Variants in KCNIP3 observed in about 807,000 individuals in gnomAD.
KCNIP3 encodes calsenilin.
Under a neutral mutation model 35.0 loss-of-function variants are expected in KCNIP3, and 28 were observed. That is an observed-to-expected ratio of 0.80 (90% CI 0.59 to 1.10). The LOEUF is 1.10. Among genes scored for constraint, KCNIP3 ranks in the 50% least tolerant of loss-of-function variants. KCNIP3 has a pLI of 0.00. For synonymous variants in KCNIP3, 134 were observed against 133.8 expected, an observed-to-expected ratio of 1.00 and a Z score of -0.01; for missense variants, 295 against 338.4, an observed-to-expected ratio of 0.87 and a Z score of 1.01.
At chr2:95,374,454 G>A in intron 3 of KCNIP3, 34 bp downstream of exon 3, 2 of 1,608,648 alleles carry the variant, frequency 1.2e-6, no homozygotes, top group Non-Finnish European at 1.7e-6. Flanking sequence ...GAGAGGCCTT[G>A]GAGACCCTGG....
chr2:95,385,325 G>C lies in KCNIP3; in HGVS notation c.*1276G>C, dbSNP rs1273367318. Reference sequence around the variant, plus strand: ...CCAACATTCAAAAGCACAAACCCTGGGGACTCTGCTTGGCTGTCCCCTCCA... The same window carrying C: ...CCAACATTCAAAAGCACAAACCCTGCGGACTCTGCTTGGCTGTCCCCTCCA... On this transcript the variant is annotated 3_prime_UTR_variant, in exon 9 of 9. Transcript: ENST00000295225. 1 of 152,816 alleles carries C rather than the reference G, an allele frequency of 6.5e-6. No individual in the cohort carries two copies. Among genetic ancestry groups the C allele is most frequent in the Non-Finnish European group, 1.5e-5 (1 of 68,224 alleles). The allele number at this position is 152,816 out of a possible 1,614,324, so 9.5% of individuals were successfully genotyped here.
At chr2:95,314,090 T>G (rs550320562) in intron 2 of KCNIP3, among the ~76,000 whole-genome samples, 1 of 152,160 alleles carries the variant, frequency 6.6e-6, no homozygotes, top group South Asian at 2.1e-4. Context: ...GAGATGCTCA[T>G]TCTCCCCGGG....
In KCNIP3 at chr2:95,378,807, T is replaced by C. The variant is rs111859812; in HGVS notation, c.448-2789T>C. 0.035 allele frequency among the ~76,000 whole-genome samples: 5,273 copies of C among 149,948 alleles called. 252 individuals carry two copies. Among genetic ancestry groups the C allele is most frequent in the African/African-American group, 0.094 (3,837 of 40,752 alleles). ...ACACACACACACACATATATATATA[T>C]ACACACACACACACATATATACACA... On this transcript the variant is annotated intron_variant, in intron 5 of 8. Transcript: ENST00000295225. This position sits in a 1 kb window ranked among gnomAD's most constrained non-coding sequence, Gnocchi z 4.0.
At chr2:95,321,548 C>T (rs998279608) in intron 2 of KCNIP3, among the ~76,000 whole-genome samples, 42 of 152,228 alleles carry the variant, frequency 2.8e-4, no homozygotes, top group African/African-American at 1.0e-3. Context: ...CAGCGTCATT[C>T]TGACGCACTA....
At chr2:95,319,455 G>T (rs1472187030) in intron 2 of KCNIP3, among the ~76,000 whole-genome samples, 1 of 152,242 alleles carries the variant, frequency 6.6e-6, no homozygotes, top group Non-Finnish European at 1.5e-5. Context: ...AGTGGACCCT[G>T]GGCCGCTTCT....
intron 2 of KCNIP3, among the ~76,000 whole-genome samples, chr2:95,323,138 G>GTGAT (rs1422160098): frequency 1.3e-5 from 2 of 152,220 alleles, no homozygotes; most frequent in African/African-American, 4.8e-5. Context: ...GCGGAAGGAC[G>GTGAT]TGATGACTGG....
chr2:95,343,975 G>A (rs890885962), intron 2 of KCNIP3, among the ~76,000 whole-genome samples: 11 of 90,936 alleles, frequency 1.2e-4, no homozygotes, highest in Middle Eastern at 4.0e-3. Flanking sequence ...GTCATCCTGA[G>A]GACTTCAGGA....
At chr2:95,346,247 A>G (rs976952991) in intron 2 of KCNIP3, among the ~76,000 whole-genome samples, 71 of 151,008 alleles carry the variant, frequency 4.7e-4, no homozygotes, top group African/African-American at 1.7e-3. Flanking sequence ...CGCGCGGGCC[A>G]GCGGCGCGGG....
intron 2 of KCNIP3, among the ~76,000 whole-genome samples, chr2:95,315,385 A>G (rs559778606): frequency 2.4e-4 from 37 of 152,294 alleles, no homozygotes; most frequent in Admixed American, 6.5e-4. Flanking sequence ...TGAGGTGCAC[A>G]GAGGGGACCA....
Position 95,334,897 on chromosome 2 carries a change from A to T in KCNIP3, c.181+24377A>T, listed in dbSNP as rs780647026. Among the ~76,000 whole-genome samples the T allele has an allele frequency of 1.8e-3, 274 of 152,208 alleles. 2 individuals carry two copies. Among genetic ancestry groups the T allele is most frequent in the Non-Finnish European group, 1.2e-3 (85 of 68,032 alleles). On this transcript the variant is annotated intron_variant, in intron 2 of 8. Coordinates refer to ENST00000295225, the MANE Select transcript of KCNIP3 (RefSeq NM_013434.5). ...CTTGTAAGGGGATGGGGGCATGAAGACAGATTCGTTCCCCTGACCAAGGGG... is the reference window on the plus strand; with the variant it reads ...CTTGTAAGGGGATGGGGGCATGAAGTCAGATTCGTTCCCCTGACCAAGGGG...
Position 95,378,669 on chromosome 2 carries a change from C to T in KCNIP3, c.448-2927C>T, listed in dbSNP as rs1347967284. On this transcript the variant is annotated intron_variant, in intron 5 of 8. Coordinates refer to ENST00000295225, the MANE Select transcript of KCNIP3 (RefSeq NM_013434.5). This position sits in a 1 kb window ranked among gnomAD's most constrained non-coding sequence, Gnocchi z 4.0. ...GCTGAGGCAAGTGAATCACTTTGAG[C>T]CCAGGAGTCAGAGGTTGCAGTGAGC... is the stretch of plus-strand genomic sequence containing the variant. Among the ~76,000 whole-genome samples, 1 of 151,582 alleles carries T rather than the reference C, an allele frequency of 6.6e-6. No homozygotes were observed. The highest frequency in any genetic ancestry group is 1.5e-5 in the Non-Finnish European group (1 of 67,954).
chr2:95,323,788 T>A (rs1177577767), intron 2 of KCNIP3, among the ~76,000 whole-genome samples: 2 of 151,358 alleles, frequency 1.3e-5, no homozygotes, highest in African/African-American at 4.9e-5. Context: ...CCTGCCCTGG[T>A]CCCTAGGGCC....
chr2:95,355,416 T>G (rs920482220), intron 2 of KCNIP3: 2 of 152,212 alleles, frequency 1.3e-5, no homozygotes, highest in African/African-American at 4.8e-5. Flanking sequence ...TACATAGGTA[T>G]ACATGTGTCA....
intron 5 of KCNIP3, 55 bp downstream of exon 5, chr2:95,375,263 A>T (rs1439380999): frequency 6.7e-7 from 1 of 1,502,760 alleles, no homozygotes; most frequent in Admixed American, 1.7e-5. Context: ...GCAGGAGTGA[A>T]TCCTTACCCT....
rs1195781843 is a variant in KCNIP3, at chr2:95,382,536, T to C, written c.660+55T>C. On this transcript the variant is annotated intron_variant, in intron 7 of 8. Coordinates refer to ENST00000295225, the MANE Select transcript of KCNIP3 (RefSeq NM_013434.5). This position sits in a 1 kb window ranked among gnomAD's most constrained non-coding sequence, Gnocchi z 4.5. Reference sequence around the variant, plus strand: ...GGGAGCCTGGCAGAGGAAGGGGCTCTCGCTTTTGGGGCCACCCCGGGCAAG... The same window carrying C: ...GGGAGCCTGGCAGAGGAAGGGGCTCCCGCTTTTGGGGCCACCCCGGGCAAG... 2 of 1,375,528 alleles carry C rather than the reference T, an allele frequency of 1.5e-6. No homozygotes were observed. Among genetic ancestry groups the C allele is most frequent in the Admixed American group, 4.1e-5 (2 of 48,896 alleles). The allele number at this position is 1,375,528 out of a possible 1,614,324, so 85.2% of individuals were successfully genotyped here.
intron 2 of KCNIP3, chr2:95,355,431 G>A (rs1364695201): frequency 2.0e-5 from 3 of 152,094 alleles, no homozygotes. Context: ...GTGTCATGTT[G>A]GTTTGCTGCA....
At chr2:95,368,011 C>T (rs1178028560) in intron 2 of KCNIP3, among the ~76,000 whole-genome samples, 1 of 152,234 alleles carries the variant, frequency 6.6e-6, no homozygotes, top group Non-Finnish European at 1.5e-5. Flanking sequence ...ATCCACCCGC[C>T]TTGGCCTCCC....
chr2:95,347,066 T>C, intron 2 of KCNIP3: 1 of 1,612,184 alleles, frequency 6.2e-7, no homozygotes. Context: ...GTGGTGGTGC[T>C]GCTGTTCATC....
chr2:95,362,032 C>A (rs544732593), intron 2 of KCNIP3, among the ~76,000 whole-genome samples: 2 of 152,146 alleles, frequency 1.3e-5, no homozygotes, highest in East Asian at 3.9e-4. Context: ...TGACGGCTGC[C>A]TTCTTGCTCT....
Sources: allele counts gnomAD v4.1 joint callset (sites outside exome capture counted in the v4.1 genomes callset), GRCh38; gene constraint gnomAD v4.1.1; non-coding constraint Gnocchi (gnomAD v3.1); transcripts MANE v1.5; gene names NCBI Gene and HGNC (gene_info 2026-07-23, HGNC 2026-07-21).